The following CHODL variants were observed in gnomAD, a reference collection of about 807,000 sequenced individuals.
CHODL encodes the protein chondrolectin, also known as transmembrane protein MT75.
In CHODL, 29 loss-of-function variants were observed where a neutral mutation model predicts 34.5. The observed-to-expected ratio is 0.84, with a 90% confidence interval of 0.63 to 1.15. CHODL has a LOEUF of 1.15. CHODL is among the 50% of genes most tolerant of loss of function. The pLI, the probability that CHODL is intolerant of heterozygous loss-of-function variation, is 0.00. For missense variants in CHODL, 332 were observed against 332.5 expected (o/e 1.00, Z 0.01); for synonymous variants, 125 against 116.1 (o/e 1.08, Z -0.49).
chr21:18,001,633 G>A (rs186514212), intron 1 of CHODL, among the ~76,000 whole-genome samples: 126 of 152,074 alleles, frequency 8.3e-4, no homozygotes, highest in African/African-American at 2.9e-3. Context: ...TTGCTTCTTC[G>A]TGAGTTTTTT....
chr21:17,955,260 G>T lies in CHODL; in HGVS notation c.-145+37860G>T, dbSNP rs1212010998. Among the ~76,000 whole-genome samples the T allele has an allele frequency of 1.5e-5, 2 of 137,096 alleles. 1 individual carries two copies. Among genetic ancestry groups the T allele is most frequent in the Admixed American group, 1.4e-4 (2 of 13,918 alleles). The allele number at this position is 137,096 out of a possible 152,430, so 89.9% of individuals were successfully genotyped here. A position where few individuals can be genotyped will look rare whatever the true frequency, so the allele number is the denominator to read the frequency against. On this transcript the variant is annotated intron_variant, in intron 1 of 6. Transcript: ENST00000400127. ...AAGTCATGGGATTAAATATTATCCT[G>T]GAGATTCATCTCATGATTGCAGGTG...
At chr21:18,135,214 G>A (rs1282727547) in intron 2 of CHODL, among the ~76,000 whole-genome samples, 4 of 152,110 alleles carry the variant, frequency 2.6e-5, no homozygotes, top group Admixed American at 2.6e-4. Flanking sequence ...TGTTACACTT[G>A]AGTTTTCATT....
Position 18,229,227 on chromosome 21 carries a change from G to A in CHODL, c.-44-27282G>A, listed in dbSNP as rs144535210. 3.9e-5 allele frequency among the ~76,000 whole-genome samples: 6 copies of A among 152,254 alleles called. No individual in the cohort carries two copies. The East Asian group carries it at 1.2e-3, about 29-fold the overall frequency. On this transcript the variant is annotated intron_variant, in intron 2 of 6. Coordinates refer to the CHODL transcript ENST00000400127. ...TTTTGCCTTCTTATATGTGCAGATT[G>A]CTGATTTGATGCTCATGAACTTGTG...
At chr21:18,041,462 A>C (rs1310704951) in intron 2 of CHODL, among the ~76,000 whole-genome samples, 1 of 151,926 alleles carries the variant, frequency 6.6e-6, no homozygotes, top group Non-Finnish European at 1.5e-5. Flanking sequence ...AAGCCATTTT[A>C]TTTTGAAACA....
At chr21:18,091,017 C>T (rs938343220) in intron 2 of CHODL, among the ~76,000 whole-genome samples, 7 of 152,220 alleles carry the variant, frequency 4.6e-5, no homozygotes, top group African/African-American at 1.7e-4. Flanking sequence ...GTCTGGCCTG[C>T]AGAGAGACTC....
In CHODL at chr21:18,154,560, T is replaced by C. The variant is rs142735590; in HGVS notation, c.-44-101949T>C. On this transcript the variant is annotated intron_variant, in intron 2 of 6. Transcript: ENST00000400127. ...GCCCCCAGATACAGAATTCAGAGGA[T>C]AGAGGAAAAATTTTTCTGTCTCAAA... is the stretch of plus-strand genomic sequence containing the variant. Among the ~76,000 whole-genome samples, 351 of 152,298 alleles carry C rather than the reference T, an allele frequency of 2.3e-3. 4 individuals are homozygous for C. The East Asian group carries it at 0.035, about 15-fold the overall frequency.
chr21:18,223,070 G>GA lies in CHODL; in HGVS notation c.-44-33435dup, dbSNP rs576175670. On this transcript the variant is annotated intron_variant, in intron 2 of 6. Coordinates refer to the CHODL transcript ENST00000400127. The stretch of plus-strand genomic sequence containing the variant: ...TCACCTAAGTGGGAAAAACTGATCA[G>GA]AAAATATTAAAAAGTAAAATGATCC... Among the ~76,000 whole-genome samples the GA allele has an allele frequency of 2.2e-4, 34 of 152,254 alleles. 1 individual carries two copies. The South Asian group carries it at 6.8e-3, about 31-fold the overall frequency.
chr21:17,964,207 T>C (rs2063554254), intron 1 of CHODL, among the ~76,000 whole-genome samples: 1 of 152,230 alleles, frequency 6.6e-6, no homozygotes. Context: ...TCTTATTTAA[T>C]GATCGATACA....
chr21:18,063,878 C>G (rs1237141261), intron 2 of CHODL, among the ~76,000 whole-genome samples: 1 of 152,104 alleles, frequency 6.6e-6, no homozygotes, highest in Non-Finnish European at 1.5e-5. Flanking sequence ...CTCTCTTTTT[C>G]TCACATTTCT....
chr21:18,134,959 G>A (rs1338174881), intron 2 of CHODL, among the ~76,000 whole-genome samples: 1 of 152,188 alleles, frequency 6.6e-6, no homozygotes, highest in Non-Finnish European at 1.5e-5. Flanking sequence ...TAACAAAGAT[G>A]TGCTTTTTCT....
chr21:18,027,129 C>G (rs1265226590), intron 1 of CHODL, among the ~76,000 whole-genome samples: 2 of 150,664 alleles, frequency 1.3e-5, no homozygotes, highest in Non-Finnish European at 3.0e-5. Flanking sequence ...AAAAAATTAG[C>G]TGAGTGTGGT....
intron 1 of CHODL, among the ~76,000 whole-genome samples, chr21:17,978,674 T>C (rs1232701951): frequency 2.7e-5 from 4 of 148,654 alleles, no homozygotes; most frequent in East Asian, 2.0e-4. Context: ...GCCGAGATCA[T>C]GCCACTGCCC....
At chr21:18,103,442 A>G (rs1014566171) in intron 2 of CHODL, among the ~76,000 whole-genome samples, 3 of 152,092 alleles carry the variant, frequency 2.0e-5, no homozygotes, top group South Asian at 2.1e-4. Flanking sequence ...ATTTTTGATT[A>G]TATACTGCCA....
At chr21:18,102,997 A>C (rs2065233346) in intron 2 of CHODL, among the ~76,000 whole-genome samples, 1 of 152,188 alleles carries the variant, frequency 6.6e-6, no homozygotes, top group Non-Finnish European at 1.5e-5. Flanking sequence ...AAGATAGATT[A>C]TTTTGTCTCT....
chr21:17,927,781 T>C (rs931470050), intron 1 of CHODL, among the ~76,000 whole-genome samples: 1 of 152,214 alleles, frequency 6.6e-6, no homozygotes, highest in African/African-American at 2.4e-5. Flanking sequence ...AGTTGGAGCA[T>C]TTGGTCCATA....
At chr21:18,010,398 T>C (rs2146412199) in intron 1 of CHODL, among the ~76,000 whole-genome samples, 1 of 151,540 alleles carries the variant, frequency 6.6e-6, no homozygotes, top group Middle Eastern at 3.4e-3. Flanking sequence ...AGCAAATGAC[T>C]GGAGAAGTTT....
chr21:17,931,689 A>G (rs2063274725), intron 1 of CHODL, among the ~76,000 whole-genome samples: 2 of 152,212 alleles, frequency 1.3e-5, no homozygotes, highest in South Asian at 4.1e-4. Context: ...AGAAATAGAT[A>G]TCTTAAAAAA....
At position 18,153,846 on chromosome 21, in the gene CHODL, A is replaced by G. The variant is rs148484334; in HGVS notation, c.-44-102663A>G. 2.4e-3 allele frequency among the ~76,000 whole-genome samples: 363 copies of G among 152,298 alleles called. 4 individuals carry two copies. In the East Asian group the frequency reaches 0.037, roughly 16 times the overall value. On this transcript the variant is annotated intron_variant, in intron 2 of 6. Coordinates refer to the CHODL transcript ENST00000400127. ...TCCTCTAAAATATCAGTGGCTTAAC[A>G]TGATAGAATCTTATTTCTCTCTCAG...
At chr21:18,016,785 C>G (rs1467368213) in intron 1 of CHODL, among the ~76,000 whole-genome samples, 1 of 152,240 alleles carries the variant, frequency 6.6e-6, no homozygotes, top group African/African-American at 2.4e-5. Context: ...GATCTGTACC[C>G]TGCAGAGCCA....
Sources: gnomAD v4.1 joint callset for allele counts (sites outside exome capture counted in the v4.1 genomes callset) on GRCh38, gnomAD v4.1.1 for gene constraint, MANE v1.5 for transcripts, NCBI Gene and HGNC (gene_info 2026-07-23, HGNC 2026-07-21) for gene names.